The following FARS2 variants were observed in gnomAD, a reference collection of about 807,000 sequenced individuals.
FARS2 encodes the protein phenylalanyl-tRNA synthetase 2, mitochondrial.
Under a neutral mutation model 46.4 loss-of-function variants are expected in FARS2, and 40 were observed. The ratio of observed to expected loss-of-function variants is 0.86; its 90% CI spans 0.67 to 1.12. The LOEUF is 1.12. Among genes scored for constraint, FARS2 ranks in the 50% most tolerant of loss-of-function variants. FARS2 has a pLI of 0.00. For missense variants in FARS2, 513 were observed against 567.9 expected (o/e 0.90, Z 0.98); for synonymous variants, 234 against 214.9 (o/e 1.09, Z -0.78).
intron 4 of FARS2, among the ~76,000 whole-genome samples, chr6:5,434,720 C>G (rs1045544819): frequency 1.3e-5 from 2 of 152,062 alleles, no homozygotes; most frequent in African/African-American, 2.4e-5. Flanking sequence ...GCTATTCTTT[C>G]CATCTCTTCT....
chr6:5,384,614 G>A (rs1181960594), intron 2 of FARS2, among the ~76,000 whole-genome samples: 1 of 152,212 alleles, frequency 6.6e-6, no homozygotes, highest in Non-Finnish European at 1.5e-5. Flanking sequence ...GGCTTAAGTA[G>A]GGGGAGATAT....
intron 3 of FARS2, among the ~76,000 whole-genome samples, chr6:5,415,374 G>T (rs147619999): frequency 0.018 from 2,392 of 132,172 alleles, 56 homozygotes; most frequent in African/African-American, 0.064. Context: ...GAGTGCAGTG[G>T]TGTGATCTCA....
chr6:5,315,371 A>C (rs1769391138), intron 1 of FARS2, among the ~76,000 whole-genome samples: 2 of 152,184 alleles, frequency 1.3e-5, no homozygotes. Flanking sequence ...CCTTGCATGC[A>C]GCGCCTAAAG....
chr6:5,262,241 A>G (rs1052748512), intron 1 of FARS2, among the ~76,000 whole-genome samples: 5 of 152,132 alleles, frequency 3.3e-5, no homozygotes, highest in Non-Finnish European at 2.9e-5. Context: ...TACCTGCTGT[A>G]TGTCTAAACA....
At chr6:5,298,812 G>A (rs1347060288) in intron 1 of FARS2, among the ~76,000 whole-genome samples, 2 of 145,270 alleles carry the variant, frequency 1.4e-5, no homozygotes, top group Non-Finnish European at 3.0e-5. Flanking sequence ...GCAGTGAGCC[G>A]AGATCGTGCC....
intron 2 of FARS2, among the ~76,000 whole-genome samples, chr6:5,394,932 A>G (rs1276541094): frequency 1.3e-5 from 2 of 152,144 alleles, no homozygotes; most frequent in African/African-American, 2.4e-5. Context: ...CGTCTTTTGT[A>G]GGAGAGTAGG....
At chr6:5,671,187 AT>A (rs1321893048) in intron 6 of FARS2, among the ~76,000 whole-genome samples, 2 of 152,220 alleles carry the variant, frequency 1.3e-5, no homozygotes, top group Admixed American at 6.5e-5. Flanking sequence ...AATTTAACTA[AT>A]TTAGGGCCTG....
chr6:5,298,175 G>C (rs1768028129), intron 1 of FARS2, among the ~76,000 whole-genome samples: 2 of 152,234 alleles, frequency 1.3e-5, no homozygotes, highest in Admixed American at 6.5e-5. Flanking sequence ...TGTGAAAATA[G>C]TGCTGCCCCT....
intron 2 of FARS2, among the ~76,000 whole-genome samples, chr6:5,380,993 TATTTATTTATTTATTTATTTATTA>T (rs1759728285): frequency 7.0e-6 from 1 of 142,486 alleles, no homozygotes; most frequent in Non-Finnish European, 1.5e-5. Flanking sequence ...TTTATTTATT[TATTTATTTATTTATTTATTTATTA>T]TGAGACAGAG....
chr6:5,301,064 G>C (rs1239351792), intron 1 of FARS2, among the ~76,000 whole-genome samples: 6 of 151,970 alleles, frequency 3.9e-5, no homozygotes, highest in Non-Finnish European at 8.8e-5. Context: ...TGTGCTTACT[G>C]GGGGTGGGAG....
intron 6 of FARS2, among the ~76,000 whole-genome samples, chr6:5,677,704 G>A (rs940868776): frequency 3.3e-5 from 5 of 152,164 alleles, no homozygotes; most frequent in Admixed American, 1.3e-4. Context: ...AAGAGTCATT[G>A]TTCTTCCCTG....
At chr6:5,664,547 A>G (rs1778011574) in intron 6 of FARS2, among the ~76,000 whole-genome samples, 1 of 152,234 alleles carries the variant, frequency 6.6e-6, no homozygotes, top group African/African-American at 2.4e-5. Context: ...CTTCTGTTTT[A>G]AATGAATAAT....
chr6:5,361,312 G>A (rs1315982859), intron 1 of FARS2, among the ~76,000 whole-genome samples: 2 of 152,064 alleles, frequency 1.3e-5, no homozygotes, highest in African/African-American at 4.8e-5. Context: ...TTCCCTTGTT[G>A]TGGGACATTT....
intron 1 of FARS2, among the ~76,000 whole-genome samples, chr6:5,288,098 C>A (rs1191282187): frequency 2.0e-5 from 3 of 152,184 alleles, no homozygotes; most frequent in Non-Finnish European, 4.4e-5. Flanking sequence ...ATGTTTGTTC[C>A]CATGTTGCTC....
intron 6 of FARS2, among the ~76,000 whole-genome samples, chr6:5,661,023 G>A (rs925491578): frequency 4.6e-5 from 7 of 152,212 alleles, no homozygotes; most frequent in African/African-American, 1.7e-4. Context: ...GGAAGAGTGT[G>A]GCTGCAGAAC....
chr6:5,407,063 AT>A lies in FARS2; in HGVS notation c.772+2363del, dbSNP rs1562017911. On this transcript the variant is annotated intron_variant, in intron 3 of 6. Transcript: ENST00000274680. Reference sequence around the variant, plus strand: ...GCAAATTATATATATATATATATATATATAATGACCAATAAATATATGAAAA... The same window carrying A: ...GCAAATTATATATATATATATATATAATAATGACCAATAAATATATGAAAA... 3.0e-4 allele frequency among the ~76,000 whole-genome samples: 42 copies of A among 142,178 alleles called. 3 individuals carry two copies. Among genetic ancestry groups the A allele is most frequent in the Non-Finnish European group, 4.7e-4 (31 of 65,330 alleles). 93.3% of individuals were successfully genotyped at this position (142,178 alleles called of 152,430 possible). A position where few individuals can be genotyped will look rare whatever the true frequency, so the allele number is the denominator to read the frequency against.
At chr6:5,430,567 A>G (rs908546333) in intron 3 of FARS2, among the ~76,000 whole-genome samples, 3 of 151,444 alleles carry the variant, frequency 2.0e-5, no homozygotes, top group African/African-American at 7.3e-5. Flanking sequence ...AAACTTAAAA[A>G]TAATATATAT....
chr6:5,474,185 G>A (rs1169742271), intron 4 of FARS2, among the ~76,000 whole-genome samples: 1 of 152,216 alleles, frequency 6.6e-6, no homozygotes, highest in Non-Finnish European at 1.5e-5. Context: ...CTGTCTACAT[G>A]TATTAATTTC....
At chr6:5,278,771 C>T (rs150347743) in intron 1 of FARS2, among the ~76,000 whole-genome samples, 305 of 152,258 alleles carry the variant, frequency 2.0e-3, no homozygotes, top group African/African-American at 5.3e-3. Flanking sequence ...CTCTCCACCC[C>T]GTGTGATACA....
Sources: gnomAD v4.1 joint callset for allele counts (sites outside exome capture counted in the v4.1 genomes callset) on GRCh38, gnomAD v4.1.1 for gene constraint, MANE v1.5 for transcripts, NCBI Gene and HGNC (gene_info 2026-07-23, HGNC 2026-07-21) for gene names.